The following TEX11 variants were observed in gnomAD, a reference collection of about 807,000 sequenced individuals.
TEX11 encodes the protein testis-expressed protein 11.
TEX11 carries 7 observed loss-of-function variants against 84.4 expected under a neutral mutation model. The ratio of observed to expected loss-of-function variants is 0.08; its 90% CI spans 0.05 to 0.16. The LOEUF (loss-of-function observed/expected upper bound fraction) is 0.16. TEX11 is among the 10% of genes least tolerant of loss of function. The probability of loss-of-function intolerance (pLI) is 1.00; values close to 1 mark genes in which losing one functional copy is unlikely to be tolerated. For missense variants in TEX11, 551 were observed against 660.5 expected (o/e 0.83, Z 1.82); for synonymous variants, 264 against 222.8 (o/e 1.18, Z -1.64).
intron 9 of TEX11, among the ~76,000 whole-genome samples, chrX:70,760,060 A>G (rs2090898354): frequency 8.9e-6 from 1 of 111,781 alleles, no homozygotes; most frequent in Non-Finnish European, 1.9e-5. Flanking sequence ...CTAACAAGGG[A>G]TGTGAAGGAC....
chrX:70,667,941 A>T (rs1270124131), intron 16 of TEX11, among the ~76,000 whole-genome samples: 1 of 110,035 alleles, frequency 9.1e-6, no homozygotes, highest in Non-Finnish European at 1.9e-5. Flanking sequence ...AAAAAAAAAT[A>T]AAAAAGAAAC....
chrX:70,828,992 T>C (rs1213976749), intron 8 of TEX11, among the ~76,000 whole-genome samples: 2 of 111,878 alleles, frequency 1.8e-5, no homozygotes, highest in Non-Finnish European at 3.8e-5. Flanking sequence ...TAGGATAGTA[T>C]ATCCAGCAGA....
rs976919410 is a variant in TEX11 at position 70,741,089 on chromosome X, C to T, written c.748-293G>A. 5.4e-5 allele frequency among the ~76,000 whole-genome samples: 6 copies of T among 110,806 alleles called. No individual in the cohort carries two copies. The Admixed American group carries it at 5.8e-4, about 11-fold the overall frequency. ...AGTATTTAACGTATTTTATCATCCC[C>T]CCTTTTAAAATAAGGAAACTGAGGC... is the stretch of plus-strand genomic sequence containing the variant. On this transcript the variant is annotated intron_variant, in intron 10 of 29. Coordinates refer to ENST00000374333, the MANE Select transcript of TEX11 (RefSeq NM_031276.3).
intron 25 of TEX11, among the ~76,000 whole-genome samples, chrX:70,578,443 T>A (rs1386909402): frequency 4.5e-5 from 5 of 112,007 alleles, no homozygotes; most frequent in African/African-American, 1.3e-4. Context: ...CTTAAATTAA[T>A]CAGTAATTTC....
At chrX:70,787,679 A>G (rs1315406004) in intron 9 of TEX11, among the ~76,000 whole-genome samples, 2 of 111,634 alleles carry the variant, frequency 1.8e-5, no homozygotes, top group African/African-American at 6.5e-5. Flanking sequence ...CACCAGAGCA[A>G]TTAAGCAAAA....
At chrX:70,906,397 G>T (rs185610808) in intron 2 of TEX11, among the ~76,000 whole-genome samples, 5 of 108,600 alleles carry the variant, frequency 4.6e-5, no homozygotes, top group Non-Finnish European at 7.6e-5. Context: ...CAACTTAAGA[G>T]TCATAATCCC....
At position 70,585,023 on chromosome X, in the gene TEX11, C is replaced by T. The variant is rs756983667; in HGVS notation, c.2140+6728G>A. Among the ~76,000 whole-genome samples, 4 of 111,773 alleles carry T rather than the reference C, an allele frequency of 3.6e-5. No individual in the cohort carries two copies. The East Asian group carries it at 8.4e-4, about 23-fold the overall frequency. On this transcript the variant is annotated intron_variant, in intron 25 of 29. Coordinates refer to ENST00000374333, the MANE Select transcript of TEX11 (RefSeq NM_031276.3). ...AGGAAGTTTGCTATTCAACATTGTA[C>T]GGGAAGTTTTAGCCAGATAAATTAG...
intron 8 of TEX11, among the ~76,000 whole-genome samples, chrX:70,812,751 A>T (rs1384937107): frequency 9.0e-6 from 1 of 111,708 alleles, no homozygotes; most frequent in Non-Finnish European, 1.9e-5. Flanking sequence ...GCAATAAAAA[A>T]TGATAAAGGG....
chrX:70,664,906 C>T (rs1264248137), intron 16 of TEX11, among the ~76,000 whole-genome samples: 1 of 102,774 alleles, frequency 9.7e-6, no homozygotes, highest in Non-Finnish European at 2.0e-5. Flanking sequence ...TGATGAAGTA[C>T]AGAGGCCACA....
At chrX:70,632,699 A>G (rs762564253) in intron 17 of TEX11, among the ~76,000 whole-genome samples, 1 of 111,771 alleles carries the variant, frequency 8.9e-6, no homozygotes, top group Non-Finnish European at 1.9e-5. Context: ...AGTTACACTG[A>G]CCAGGAAGAA....
chrX:70,591,952 CTG>C (rs2088937668), intron 24 of TEX11, 129 bp from the exon 25 acceptor site: 1 of 451,775 alleles, frequency 2.2e-6, no homozygotes, highest in Non-Finnish European at 3.6e-6. Context: ...ATAGTTTAAA[CTG>C]AACATTTTGG....
intron 8 of TEX11, among the ~76,000 whole-genome samples, chrX:70,824,946 T>C (rs904518637): frequency 9.0e-6 from 1 of 111,392 alleles, no homozygotes; most frequent in African/African-American, 3.3e-5. Flanking sequence ...ACCAGATTGA[T>C]TACCTGCTAT....
At chrX:70,645,717 G>A (rs1569376256) in intron 17 of TEX11, among the ~76,000 whole-genome samples, 1 of 111,266 alleles carries the variant, frequency 9.0e-6, no homozygotes, top group African/African-American at 3.3e-5. Context: ...CAAATTTAAT[G>A]TTGAAGTGAA....
intron 9 of TEX11, among the ~76,000 whole-genome samples, chrX:70,758,680 T>TC (rs2090886278): frequency 8.9e-6 from 1 of 111,820 alleles, no homozygotes; most frequent in Admixed American, 9.5e-5. Flanking sequence ...AGATCTAAAA[T>TC]TGACACCCTA....
chrX:70,645,085 A>C (rs1406892445), intron 17 of TEX11, among the ~76,000 whole-genome samples: 6 of 110,310 alleles, frequency 5.4e-5, no homozygotes, highest in Non-Finnish European at 7.6e-5. Context: ...TAAAACCGAG[A>C]TGGAATCATA....
At chrX:70,684,569 C>T (rs916326926) in intron 13 of TEX11, among the ~76,000 whole-genome samples, 2 of 111,960 alleles carry the variant, frequency 1.8e-5, no homozygotes, top group Non-Finnish European at 3.8e-5. Context: ...GTGAGTGAGA[C>T]TCCATCTCAA....
At chrX:70,590,064 C>T (rs2088908664) in intron 25 of TEX11, among the ~76,000 whole-genome samples, 1 of 111,602 alleles carries the variant, frequency 9.0e-6, no homozygotes, top group African/African-American at 3.3e-5. Flanking sequence ...TCAGGTCTTC[C>T]TTGACATCAA....
At chrX:70,816,312 G>A (rs1336093075) in intron 8 of TEX11, among the ~76,000 whole-genome samples, 1 of 112,023 alleles carries the variant, frequency 8.9e-6, no homozygotes, top group African/African-American at 3.2e-5. Flanking sequence ...TATAGCAGTG[G>A]CCACTTGAAT....
chrX:70,842,585 CCT>C (rs2091453070), intron 7 of TEX11, among the ~76,000 whole-genome samples: 2 of 111,621 alleles, frequency 1.8e-5, no homozygotes, highest in Admixed American at 9.6e-5. Context: ...ACAGGGATGC[CCT>C]CTCTCACCAC....
Sources: gnomAD v4.1 joint callset for allele counts (sites outside exome capture counted in the v4.1 genomes callset) on GRCh38, gnomAD v4.1.1 for gene constraint, MANE v1.5 for transcripts, NCBI Gene and HGNC (gene_info 2026-07-23, HGNC 2026-07-21) for gene names.